The following ANKRD44 variants were observed in gnomAD, a reference collection of about 807,000 sequenced individuals.
The protein encoded by ANKRD44 is ankyrin repeat domain 44, also known as serine/threonine-protein phosphatase 6 regulatory ankyrin repeat subunit B.
A neutral mutation model predicts 116.0 loss-of-function variants in ANKRD44; 35 were observed. The ratio of observed to expected loss-of-function variants is 0.30; its 90% CI spans 0.23 to 0.40. ANKRD44 has a LOEUF of 0.40. ANKRD44 is among the 10% of genes least tolerant of loss of function. ANKRD44 has a pLI of 1.00. For missense variants in ANKRD44, 1,014 were observed against 1,242.6 expected (o/e 0.82, Z 2.77); for synonymous variants, 435 against 461.8 (o/e 0.94, Z 0.74).
At chr2:197,274,080 T>C (rs1255646794) in intron 1 of ANKRD44, among the ~76,000 whole-genome samples, 2 of 141,876 alleles carry the variant, frequency 1.4e-5, no homozygotes, top group African/African-American at 2.6e-5. Flanking sequence ...GCATGGAGTA[T>C]GTCACTTCAC....
At chr2:197,047,583 T>G (rs573337261) in intron 16 of ANKRD44, among the ~76,000 whole-genome samples, 1 of 152,266 alleles carries the variant, frequency 6.6e-6, no homozygotes, top group Admixed American at 6.5e-5. Context: ...AGAGAAAGAT[T>G]TGCAGCATTT....
intron 2 of ANKRD44, among the ~76,000 whole-genome samples, chr2:197,177,218 A>G (rs567311894): frequency 1.3e-5 from 2 of 152,242 alleles, no homozygotes; most frequent in South Asian, 4.1e-4. Flanking sequence ...TTGTAAAAGA[A>G]ATTGGAAAGT....
chr2:197,020,047 C>T (rs1441053277), intron 17 of ANKRD44, among the ~76,000 whole-genome samples: 1 of 152,104 alleles, frequency 6.6e-6, no homozygotes, highest in Non-Finnish European at 1.5e-5. Flanking sequence ...AACTCCTGGA[C>T]TCAAGTGATC....
At chr2:197,067,000 A>T (rs2125078635) in intron 16 of ANKRD44, among the ~76,000 whole-genome samples, 1 of 152,352 alleles carries the variant, frequency 6.6e-6, no homozygotes, top group African/African-American at 2.4e-5. Context: ...AAAAGAACAA[A>T]GCTGGAGGCA....
At chr2:197,042,485 G>C (rs1574335630) in intron 16 of ANKRD44, among the ~76,000 whole-genome samples, 1 of 141,192 alleles carries the variant, frequency 7.1e-6, no homozygotes, top group Admixed American at 7.3e-5. Context: ...TTCCACATCT[G>C]CCCCCTCCAC....
In ANKRD44 at chr2:197,310,711, C is replaced by G; in HGVS notation, c.-107G>C. 8.4e-7 allele frequency: 1 copy of G among 1,196,842 alleles called. No homozygotes were observed. Among genetic ancestry groups the G allele is most frequent in the Non-Finnish European group, 1.1e-6 (1 of 931,208 alleles). The allele number at this position is 1,196,842 out of a possible 1,614,324, so 74.1% of individuals were successfully genotyped here. On this transcript the variant is annotated 5_prime_UTR_variant, in exon 1 of 28. Transcript: ENST00000282272. ...TGCCAGGAGAAGGGAAAAAATCTGG[C>G]TCCCGAATTTGACAGCCCTCCCCCT...
At chr2:197,240,455 T>C (rs905209255) in intron 1 of ANKRD44, among the ~76,000 whole-genome samples, 3 of 149,894 alleles carry the variant, frequency 2.0e-5, no homozygotes, top group Admixed American at 6.6e-5. Flanking sequence ...ACCACTAAGC[T>C]CTTGGCATTT....
chr2:197,083,482 A>G lies in ANKRD44; in HGVS notation c.1344T>C (p.Asn448=). ...ATGTCTCAATACAGTGGAAATGACA[A>G]TTCGCAGCTGCATAGTGCAAAGGGG... The part of the protein sequence containing the change: ...GRTPLHYAAA[N]CHFHCIETLV... The change falls in exon 14 of 28, where the codon AAT becomes AAC. Residue 448 remains asparagine, a synonymous_variant. Coordinates refer to ENST00000282272, the MANE Select transcript of ANKRD44 (RefSeq NM_001195144.2). 1 of 1,613,694 alleles carries G rather than the reference A, an allele frequency of 6.2e-7. No homozygotes were observed. The highest frequency in any genetic ancestry group is 8.5e-7 in the Non-Finnish European group (1 of 1,179,762).
At chr2:197,168,204 A>G (rs1359375218) in intron 2 of ANKRD44, among the ~76,000 whole-genome samples, 1 of 152,182 alleles carries the variant, frequency 6.6e-6, no homozygotes, top group Admixed American at 6.5e-5. Flanking sequence ...CTTTCCACAG[A>G]ACAGAGAAAA....
intron 1 of ANKRD44, among the ~76,000 whole-genome samples, chr2:197,245,290 T>C (rs1171486395): frequency 1.3e-5 from 2 of 152,042 alleles, no homozygotes; most frequent in Non-Finnish European, 2.9e-5. Context: ...TAAAAAGATA[T>C]AGTATAACAA....
intron 2 of ANKRD44, among the ~76,000 whole-genome samples, chr2:197,177,099 T>C (rs983087493): frequency 2.0e-5 from 3 of 152,194 alleles, no homozygotes; most frequent in Admixed American, 1.3e-4. Context: ...AAACATGTCT[T>C]TTAAGAATAA....
chr2:196,978,775 C>G (rs539314333), intron 21 of ANKRD44, among the ~76,000 whole-genome samples: 36 of 151,034 alleles, frequency 2.4e-4, no homozygotes, highest in Non-Finnish European at 4.7e-4. Flanking sequence ...TCAATTATAT[C>G]TCAATGGAGC....
intron 1 of ANKRD44, among the ~76,000 whole-genome samples, chr2:197,272,164 C>T (rs191938859): frequency 1.3e-5 from 2 of 152,256 alleles, no homozygotes; most frequent in East Asian, 1.9e-4. Context: ...GCTGGCACCC[C>T]GATCTGGGAA....
At chr2:197,293,740 G>A (rs1418762758) in intron 1 of ANKRD44, among the ~76,000 whole-genome samples, 6 of 152,160 alleles carry the variant, frequency 3.9e-5, no homozygotes, top group African/African-American at 4.8e-5. Flanking sequence ...ACAGGGGAAC[G>A]ATGAGGCAAT....
intron 21 of ANKRD44, among the ~76,000 whole-genome samples, chr2:197,003,464 T>C (rs183309538): frequency 2.0e-5 from 3 of 152,316 alleles, no homozygotes; most frequent in South Asian, 4.1e-4. Context: ...AAGTGGGGAC[T>C]ATATGAATCC....
At chr2:197,033,377 A>C (rs1363839593) in intron 16 of ANKRD44, among the ~76,000 whole-genome samples, 1 of 152,154 alleles carries the variant, frequency 6.6e-6, no homozygotes, top group Non-Finnish European at 1.5e-5. Flanking sequence ...GAAGATTTTC[A>C]CTGATAAAAG....
chr2:197,273,719 C>A (rs1369324861), intron 1 of ANKRD44, among the ~76,000 whole-genome samples: 3 of 152,040 alleles, frequency 2.0e-5, no homozygotes, highest in Non-Finnish European at 4.4e-5. Flanking sequence ...CCACAAACAC[C>A]AGTTGGCTGG....
At chr2:197,258,270 CTTTTTTTTTTTT>C (rs71395680) in intron 1 of ANKRD44, among the ~76,000 whole-genome samples, 2 of 79,222 alleles carry the variant, frequency 2.5e-5, no homozygotes, top group Admixed American at 1.7e-4. Flanking sequence ...TTGGCTAATC[CTTTTTTTTTTTT>C]TTTTTTTTTT....
intron 17 of ANKRD44, among the ~76,000 whole-genome samples, chr2:197,024,953 C>A (rs1191957726): frequency 1.3e-5 from 2 of 152,196 alleles, no homozygotes; most frequent in Non-Finnish European, 2.9e-5. Flanking sequence ...CATTTGCCCT[C>A]ATTTCGCAGA....
Sources: allele counts gnomAD v4.1 joint callset (sites outside exome capture counted in the v4.1 genomes callset), GRCh38; gene constraint gnomAD v4.1.1; transcripts MANE v1.5; gene names NCBI Gene and HGNC (gene_info 2026-07-23, HGNC 2026-07-21).